Variants in RBMS3 observed in about 807,000 individuals in gnomAD.
The protein encoded by RBMS3 is RNA-binding motif, single-stranded-interacting protein 3.
RBMS3 carries 27 observed loss-of-function variants against 66.8 expected under a neutral mutation model. That is an observed-to-expected ratio of 0.40 (90% CI 0.30 to 0.56). The LOEUF is 0.56. Ranked by LOEUF, RBMS3 falls within the 20% of genes least tolerant of loss-of-function variation. The pLI is 0.40. For synonymous variants in RBMS3, 188 were observed against 183.0 expected (o/e 1.03, Z -0.22); for missense variants, 513 against 549.5 (o/e 0.93, Z 0.66).
At chr3:29,507,535 C>G (rs2044230346) in intron 3 of RBMS3, among the ~76,000 whole-genome samples, 1 of 151,912 alleles carries the variant, frequency 6.6e-6, no homozygotes. Flanking sequence ...CTGCTAATAA[C>G]TAGGTCAAAA....
Position 29,516,827 on chromosome 3 carries a change from C to T in RBMS3, c.307+28328C>T, listed in dbSNP as rs1212908620. ...ATGAAATGCTCAACAGTATCAAATA[C>T]CTTAGAAGATTTAAGAATGAAAGGA... On this transcript the variant is annotated intron_variant, in intron 3 of 14. Coordinates refer to ENST00000383767, the MANE Select transcript of RBMS3 (RefSeq NM_001003793.3). 2.6e-5 allele frequency among the ~76,000 whole-genome samples: 4 copies of T among 152,170 alleles called. 1 individual carries two copies. The East Asian group carries it at 7.7e-4, about 29-fold the overall frequency.
At chr3:29,328,402 G>A (rs1317772970) in intron 1 of RBMS3, among the ~76,000 whole-genome samples, 11 of 152,062 alleles carry the variant, frequency 7.2e-5, no homozygotes, top group East Asian at 5.8e-4. Flanking sequence ...GGAATGAAAC[G>A]ACAAAAAGGA....
chr3:29,541,426 T>C (rs2045751882), intron 3 of RBMS3, among the ~76,000 whole-genome samples: 1 of 135,552 alleles, frequency 7.4e-6, no homozygotes, highest in African/African-American at 3.4e-5. Flanking sequence ...CTCAAATTTC[T>C]TTCATTCTTT....
chr3:29,999,939 TAAAACCATAA>T (rs1301571742), intron 14 of RBMS3, among the ~76,000 whole-genome samples: 1 of 151,312 alleles, frequency 6.6e-6, no homozygotes, highest in Admixed American at 6.6e-5. Flanking sequence ...AAAAAAGACC[TAAAACCATAA>T]AAACCCTAGA....
At chr3:29,545,418 G>T (rs191630929) in intron 3 of RBMS3, among the ~76,000 whole-genome samples, 1 of 152,178 alleles carries the variant, frequency 6.6e-6, no homozygotes, top group East Asian at 1.9e-4. Flanking sequence ...ATGTGTAACA[G>T]TAAGCAGATT....
intron 4 of RBMS3, among the ~76,000 whole-genome samples, chr3:29,644,645 A>C (rs537935899): frequency 2.0e-5 from 3 of 152,156 alleles, no homozygotes; most frequent in Non-Finnish European, 4.4e-5. Context: ...AACAAACCCT[A>C]GTTTTGAACT....
chr3:29,397,557 A>T (rs1325104850), intron 1 of RBMS3, among the ~76,000 whole-genome samples: 1 of 152,086 alleles, frequency 6.6e-6, no homozygotes, highest in Non-Finnish European at 1.5e-5. Context: ...AGGAAGTGAG[A>T]CTAACTTTAA....
intron 1 of RBMS3, among the ~76,000 whole-genome samples, chr3:29,353,595 T>A (rs1327759331): frequency 6.6e-6 from 1 of 152,068 alleles, no homozygotes; most frequent in Admixed American, 6.6e-5. Flanking sequence ...ATATTTTAAT[T>A]ATTCATCATG....
At chr3:29,605,440 C>T (rs78368539) in intron 4 of RBMS3, among the ~76,000 whole-genome samples, 8,685 of 151,822 alleles carry the variant, frequency 0.057, 346 homozygotes, top group Non-Finnish European at 0.084. Context: ...TAAATTTATA[C>T]GCTTTCTATG....
intron 1 of RBMS3, among the ~76,000 whole-genome samples, chr3:29,362,597 C>A (rs2037665430): frequency 6.6e-6 from 1 of 152,132 alleles, no homozygotes; most frequent in Admixed American, 6.5e-5. Flanking sequence ...GTGGAAATCA[C>A]CCATCTTCTG....
chr3:29,619,075 A>G (rs546751795), intron 4 of RBMS3, among the ~76,000 whole-genome samples: 3 of 152,228 alleles, frequency 2.0e-5, no homozygotes, highest in African/African-American at 7.2e-5. Flanking sequence ...TAGGGAAGTG[A>G]GAGTCTGAAA....
At chr3:29,623,572 C>A (rs1479173622) in intron 4 of RBMS3, among the ~76,000 whole-genome samples, 3 of 140,928 alleles carry the variant, frequency 2.1e-5, no homozygotes, top group Non-Finnish European at 4.5e-5. Flanking sequence ...CCAGCCTAGG[C>A]GACAGAGCAA....
intron 6 of RBMS3, among the ~76,000 whole-genome samples, chr3:29,867,533 G>A (rs2059391621): frequency 6.9e-6 from 1 of 144,424 alleles, no homozygotes. Context: ...ATGTTAGCAT[G>A]TTAAGGATGA....
chr3:29,357,447 AT>A (rs2037293379), intron 1 of RBMS3, among the ~76,000 whole-genome samples: 1 of 152,158 alleles, frequency 6.6e-6, no homozygotes, highest in Non-Finnish European at 1.5e-5. Context: ...CCAGTCTATC[AT>A]TGGTGGACAT....
intron 4 of RBMS3, among the ~76,000 whole-genome samples, chr3:29,654,540 G>C (rs1192340988): frequency 6.7e-6 from 1 of 149,254 alleles, no homozygotes; most frequent in Non-Finnish European, 1.5e-5. Context: ...GTGTGTGTGT[G>C]TGTGTGTGTG....
At chr3:29,800,607 A>G (rs1006184119) in intron 6 of RBMS3, among the ~76,000 whole-genome samples, 12 of 152,114 alleles carry the variant, frequency 7.9e-5, no homozygotes, top group Admixed American at 3.9e-4. Flanking sequence ...GCTATTACAC[A>G]TATTTTTATA....
chr3:29,777,701 G>A (rs922197288), intron 6 of RBMS3, among the ~76,000 whole-genome samples: 1 of 151,814 alleles, frequency 6.6e-6, no homozygotes. Flanking sequence ...TTTTTTTAAA[G>A]AGTATTGACC....
At chr3:29,955,773 G>T (rs1196429172) in intron 12 of RBMS3, among the ~76,000 whole-genome samples, 1 of 152,044 alleles carries the variant, frequency 6.6e-6, no homozygotes, top group Non-Finnish European at 1.5e-5. Context: ...ATTCTTCAAT[G>T]CACCTAGCTT....
At chr3:29,446,320 TTA>T (rs2041830025) in intron 2 of RBMS3, among the ~76,000 whole-genome samples, 1 of 146,328 alleles carries the variant, frequency 6.8e-6, no homozygotes, top group Non-Finnish European at 1.6e-5. Flanking sequence ...ATTCATATTT[TTA>T]TATAGCAGGA....
Sources: gnomAD v4.1 joint callset for allele counts (sites outside exome capture counted in the v4.1 genomes callset) on GRCh38, gnomAD v4.1.1 for gene constraint, MANE v1.5 for transcripts, NCBI Gene and HGNC (gene_info 2026-07-23, HGNC 2026-07-21) for gene names.